AHI1: variants seen among roughly 807,000 people sequenced by gnomAD.
AHI1 encodes Abelson helper integration site 1, also known as jouberin.
Under a neutral mutation model 149.3 loss-of-function variants are expected in AHI1, and 123 were observed. That is an observed-to-expected ratio of 0.82 (90% CI 0.71 to 0.96). The LOEUF is 0.96. Among genes scored for constraint, AHI1 ranks in the 40% least tolerant of loss-of-function variants. The probability of loss-of-function intolerance (pLI) is 0.00; values close to 1 mark genes in which losing one functional copy is unlikely to be tolerated. For synonymous variants in AHI1, 475 were observed against 459.8 expected (o/e 1.03, Z -0.42); for missense variants, 1,439 against 1,422.7 (o/e 1.01, Z -0.18).
chr6:135,392,617 A>G (rs1285184918), intron 23 of AHI1, among the ~76,000 whole-genome samples: 1 of 152,200 alleles, frequency 6.6e-6, no homozygotes, highest in Non-Finnish European at 1.5e-5. Flanking sequence ...TTCTATTTAC[A>G]TGATTTGTTT....
At chr6:135,392,944 T>A (rs1338218056) in intron 23 of AHI1, among the ~76,000 whole-genome samples, 1 of 152,182 alleles carries the variant, frequency 6.6e-6, no homozygotes, top group East Asian at 1.9e-4. Flanking sequence ...GGACCACATA[T>A]TATGCTTTTG....
intron 23 of AHI1, among the ~76,000 whole-genome samples, chr6:135,361,574 TAAC>T (rs1188824332): frequency 1.3e-4 from 20 of 151,872 alleles, no homozygotes; most frequent in South Asian, 8.3e-4. Flanking sequence ...TCCCTGAACG[TAAC>T]ACTTTTCCCC....
At chr6:135,361,707 A>G (rs1793916398) in intron 23 of AHI1, among the ~76,000 whole-genome samples, 1 of 151,124 alleles carries the variant, frequency 6.6e-6, no homozygotes. Context: ...GTGTATATTT[A>G]TACTCTAAAG....
At chr6:135,476,852 G>A (rs1301082634) in intron 5 of AHI1, among the ~76,000 whole-genome samples, 1 of 151,888 alleles carries the variant, frequency 6.6e-6, no homozygotes, top group Non-Finnish European at 1.5e-5. Context: ...ACCTACCTAT[G>A]CCCTTACATT....
chr6:135,448,932 T>A (rs1018159050), intron 11 of AHI1, among the ~76,000 whole-genome samples: 3 of 152,252 alleles, frequency 2.0e-5, no homozygotes, highest in Non-Finnish European at 4.4e-5. Flanking sequence ...TCAAGATAAT[T>A]AAACTCATTC....
intron 19 of AHI1, among the ~76,000 whole-genome samples, chr6:135,428,351 G>A (rs896712976): frequency 4.0e-5 from 6 of 151,560 alleles, no homozygotes; most frequent in African/African-American, 1.5e-4. Flanking sequence ...GCTTTTCTAA[G>A]ATCAGCAATG....
intron 22 of AHI1, among the ~76,000 whole-genome samples, chr6:135,396,266 A>G (rs1481961509): frequency 1.3e-5 from 2 of 151,850 alleles, no homozygotes; most frequent in Admixed American, 1.3e-4. Flanking sequence ...TTAAATACAG[A>G]TCAAAACTGA....
intron 5 of AHI1, 186 bp downstream of exon 5, chr6:135,490,437 A>T (rs1795094211): frequency 1.4e-6 from 1 of 702,824 alleles, no homozygotes. Context: ...CTCAAGAATG[A>T]AGTCAATATT....
At chr6:135,387,580 T>C (rs1034329652) in intron 23 of AHI1, among the ~76,000 whole-genome samples, 5 of 152,248 alleles carry the variant, frequency 3.3e-5, no homozygotes, top group African/African-American at 1.2e-4. Flanking sequence ...AACTTTCTTC[T>C]TGAAATTACT....
chr6:135,463,957 C>A (rs957241714), intron 7 of AHI1, among the ~76,000 whole-genome samples: 7 of 152,008 alleles, frequency 4.6e-5, no homozygotes, highest in African/African-American at 1.7e-4. Context: ...GTTGCTCAGG[C>A]ATGGATTTCT....
At chr6:135,420,565 G>A (rs1371118796) in intron 20 of AHI1, among the ~76,000 whole-genome samples, 1 of 152,118 alleles carries the variant, frequency 6.6e-6, no homozygotes. Flanking sequence ...GCACTTTAAT[G>A]TTATGGAGAC....
intron 26 of AHI1, chr6:135,301,055 G>A (rs901036214): frequency 4.9e-5 from 48 of 984,570 alleles, no homozygotes; most frequent in Admixed American, 3.1e-4. Context: ...TGGCACCTTC[G>A]TGAGAAAAAC....
At chr6:135,289,279 T>C (rs1782049411) in intron 28 of AHI1, among the ~76,000 whole-genome samples, 1 of 151,974 alleles carries the variant, frequency 6.6e-6, no homozygotes, top group African/African-American at 2.4e-5. Flanking sequence ...GTGGATGGCT[T>C]GAGGTCAGGA....
intron 3 of AHI1, chr6:135,495,301 T>C (rs1033272056): frequency 7.2e-5 from 11 of 152,196 alleles, no homozygotes; most frequent in Admixed American, 5.2e-4. Flanking sequence ...GAAAAAAATA[T>C]CAAGTCCTTA....
intron 5 of AHI1, among the ~76,000 whole-genome samples, chr6:135,485,734 G>A (rs1003242612): frequency 7.2e-5 from 11 of 152,050 alleles, no homozygotes; most frequent in African/African-American, 1.4e-4. Flanking sequence ...TGTTCACACA[G>A]GTTGATTCAC....
intron 23 of AHI1, chr6:135,388,128 A>G: frequency 1.5e-6 from 2 of 1,364,500 alleles, no homozygotes; most frequent in Non-Finnish European, 1.0e-6. Context: ...ATCTGCCTAT[A>G]GAAATCAGTT....
intron 26 of AHI1, chr6:135,301,619 G>C (rs1783888765): frequency 1.0e-6 from 1 of 985,274 alleles, no homozygotes; most frequent in South Asian, 4.7e-5. Flanking sequence ...GATTATTACT[G>C]CTAGCTGTAG....
At chr6:135,414,746 C>T (rs1782093870) in intron 20 of AHI1, among the ~76,000 whole-genome samples, 1 of 152,006 alleles carries the variant, frequency 6.6e-6, no homozygotes. Flanking sequence ...AATAGCACTG[C>T]ATGTATATTA....
In AHI1 at chr6:135,389,243, A is replaced by G. The variant is rs573886417; in HGVS notation, c.3109+5533T>C. On this transcript the variant is annotated intron_variant, in intron 23 of 28. Transcript: ENST00000265602. ...GGAGAATGGAGTGAACCCGGGAGGCAGAGCTTGCAGTGAGCCGAGATCGTG... is the reference window on the plus strand; with the variant it reads ...GGAGAATGGAGTGAACCCGGGAGGCGGAGCTTGCAGTGAGCCGAGATCGTG... Among the ~76,000 whole-genome samples the G allele has an allele frequency of 1.9e-4, 29 of 150,400 alleles. No homozygotes were observed. In the South Asian group the frequency reaches 2.4e-3, roughly 12 times the overall value.
Sources: allele counts gnomAD v4.1 joint callset (sites outside exome capture counted in the v4.1 genomes callset), GRCh38; gene constraint gnomAD v4.1.1; transcripts MANE v1.5; gene names NCBI Gene and HGNC (gene_info 2026-07-23, HGNC 2026-07-21).